Variants in DNAH11 observed in about 807,000 individuals in gnomAD.
The protein encoded by DNAH11 is axonemal beta dynein heavy chain 11.
In DNAH11, 442 loss-of-function variants were observed where a neutral mutation model predicts 526.0. The observed-to-expected ratio is 0.84, with a 90% confidence interval of 0.78 to 0.91. The LOEUF (loss-of-function observed/expected upper bound fraction) is 0.91, where lower values mean the gene tolerates loss of function less well. Ranked by LOEUF, DNAH11 falls within the 40% of genes least tolerant of loss-of-function variation. DNAH11 has a pLI of 0.00. For synonymous variants in DNAH11, 2,461 were observed against 1,935.9 expected (o/e 1.27, Z -7.12); for missense variants, 6,989 against 5,448.7 (o/e 1.28, Z -8.90).
chr7:21,752,185 A>G (rs1213705015), intron 54 of DNAH11, among the ~76,000 whole-genome samples: 1 of 152,260 alleles, frequency 6.6e-6, no homozygotes, highest in Non-Finnish European at 1.5e-5. Context: ...GTTTGTGTAT[A>G]TCTTTCATGC....
At chr7:21,816,842 C>A in intron 64 of DNAH11, 140 bp downstream of exon 64, 2 of 695,972 alleles carry the variant, frequency 2.9e-6, no homozygotes, top group Non-Finnish European at 4.9e-6. Flanking sequence ...TCTGCCTGTT[C>A]ATGTTTCATA....
At chr7:21,629,016 C>T (rs552187152) in intron 25 of DNAH11, among the ~76,000 whole-genome samples, 2 of 152,094 alleles carry the variant, frequency 1.3e-5, no homozygotes, top group East Asian at 1.9e-4. Flanking sequence ...TGAAGGCCTT[C>T]TACTTTTTTG....
intron 49 of DNAH11, among the ~76,000 whole-genome samples, chr7:21,743,859 C>G (rs1270040859): frequency 6.6e-6 from 1 of 152,180 alleles, no homozygotes; most frequent in Admixed American, 6.5e-5. Context: ...CTCCACAACT[C>G]CCTTACTGTT....
rs150722541 is a variant in DNAH11 at position 21,734,446 on chromosome 7, T to C, written c.7441-1194T>C. ...AGCTCGAATATTTTTTAAAGAGTTGTCTAGGACTGTTTAGCACAGAACAGT... is the reference window on the plus strand; with the variant it reads ...AGCTCGAATATTTTTTAAAGAGTTGCCTAGGACTGTTTAGCACAGAACAGT... On this transcript the variant is annotated intron_variant, in intron 45 of 81. Coordinates refer to ENST00000409508, the MANE Select transcript of DNAH11 (RefSeq NM_001277115.2). 9.9e-4 allele frequency among the ~76,000 whole-genome samples: 151 copies of C among 152,360 alleles called. 1 individual carries two copies. The highest frequency in any genetic ancestry group is 1.8e-3 in the Non-Finnish European group (121 of 68,028).
intron 2 of DNAH11, among the ~76,000 whole-genome samples, chr7:21,552,077 T>C (rs1178075264): frequency 6.6e-6 from 1 of 152,118 alleles, no homozygotes; most frequent in Non-Finnish European, 1.5e-5. Context: ...ATCAAGAAGC[T>C]TGGAGGCAAA....
Position 21,880,742 on chromosome 7 carries a change from G to A in DNAH11, c.12236G>A (p.Ser4079Asn), listed in dbSNP as rs752563725. ...TGCTCCAAGGAGCAGGAGTTTAAAA[G>A]CATCCTTTTTTCTCTCTGCTACTTC... ...EICSKEQEFK[S>N]ILFSLCYFHA... Residue 4079 changes from serine to asparagine, a missense_variant, in exon 75 of 82, where the codon AGC becomes AAC. By Grantham distance (46) the Ser-to-Asn change is conservative. Coordinates refer to ENST00000409508, the MANE Select transcript of DNAH11 (RefSeq NM_001277115.2). 1 of 1,613,972 alleles carries A rather than the reference G, an allele frequency of 6.2e-7. No homozygotes were observed. The highest frequency in any genetic ancestry group is 8.5e-7 in the Non-Finnish European group (1 of 1,179,898).
In DNAH11 at chr7:21,765,595, C is replaced by A; in HGVS notation, c.9102+6C>A. ...AGGAAACCAAGGGAATTGAGGTATG[C>A]CGTGTCAGCCTGCGTCACACACACA... On this transcript the variant is annotated splice_donor_region_variant and intron_variant, in intron 55 of 81. Transcript: ENST00000409508. The A allele has an allele frequency of 7.5e-7, 1 of 1,338,908 alleles. No homozygotes were observed. Among genetic ancestry groups the A allele is most frequent in the Non-Finnish European group, 1.0e-6 (1 of 968,182 alleles). 82.9% of individuals were successfully genotyped at this position (1,338,908 alleles called of 1,614,324 possible).
chr7:21,611,586 A>G (rs1305277655), intron 20 of DNAH11, among the ~76,000 whole-genome samples: 1 of 152,240 alleles, frequency 6.6e-6, no homozygotes, highest in African/African-American at 2.4e-5. Context: ...CCCAACCAGG[A>G]TAAATACAAA....
chr7:21,580,399 A>G (rs933601385), intron 8 of DNAH11, among the ~76,000 whole-genome samples: 3 of 152,226 alleles, frequency 2.0e-5, no homozygotes, highest in African/African-American at 7.2e-5. Context: ...GATGCTAAAT[A>G]TAACATTGTG....
At chr7:21,680,070 A>G (rs569083772) in intron 30 of DNAH11, among the ~76,000 whole-genome samples, 1 of 152,296 alleles carries the variant, frequency 6.6e-6, no homozygotes, top group South Asian at 2.1e-4. Flanking sequence ...TGGAAATTGC[A>G]CATGTTACAG....
rs759646661 is a variant in DNAH11, at chr7:21,894,960, G to A, written c.13010G>A (p.Ser4337Asn). The A allele has an allele frequency of 4.5e-5, 72 of 1,614,004 alleles. 1 individual carries two copies. In the African/African-American group the frequency reaches 7.3e-4, roughly 16 times the overall value. The change falls in exon 79 of 82, where the codon AGC becomes AAC. Residue 4337 changes from serine to asparagine, a missense_variant. Ser to Asn is a conservative substitution (Grantham distance 46). Transcript: ENST00000409508. ...LSYDTVPDTW[S>N]KLAYPSTYGL... Reference sequence around the variant, plus strand: ...TATGACACGGTACCAGACACTTGGAGCAAACTGGCTTATCCTTCTACTTAT... The same window carrying A: ...TATGACACGGTACCAGACACTTGGAACAAACTGGCTTATCCTTCTACTTAT...
intron 47 of DNAH11, 59 bp downstream of exon 47, chr7:21,738,925 A>G (rs1785744514): frequency 8.3e-6 from 11 of 1,324,862 alleles, no homozygotes; most frequent in Non-Finnish European, 1.1e-5. Context: ...ATGGATAATA[A>G]TTACTATGGA....
At chr7:21,636,234 T>C in intron 26 of DNAH11, 139 bp downstream of exon 26, 1 of 673,328 alleles carries the variant, frequency 1.5e-6, no homozygotes, top group South Asian at 2.2e-5. Flanking sequence ...AAGGGCCAGG[T>C]AATAAATATT....
intron 54 of DNAH11, among the ~76,000 whole-genome samples, chr7:21,759,237 A>G (rs1786780647): frequency 6.6e-6 from 1 of 152,188 alleles, no homozygotes; most frequent in Non-Finnish European, 1.5e-5. Context: ...TCAGAAAAAG[A>G]AAGAAAAATT....
At chr7:21,822,697 G>C (rs1212487994) in intron 65 of DNAH11, among the ~76,000 whole-genome samples, 1 of 152,140 alleles carries the variant, frequency 6.6e-6, no homozygotes, top group Non-Finnish European at 1.5e-5. Flanking sequence ...TCTCTATACT[G>C]TTTTCCATAG....
intron 68 of DNAH11, among the ~76,000 whole-genome samples, chr7:21,858,510 C>G (rs1348414671): frequency 6.6e-6 from 1 of 152,134 alleles, no homozygotes; most frequent in African/African-American, 2.4e-5. Context: ...TTGCATGTTC[C>G]CACAGTGGGC....
chr7:21,648,770 T>C (rs1787488929), intron 28 of DNAH11, among the ~76,000 whole-genome samples: 1 of 152,250 alleles, frequency 6.6e-6, no homozygotes, highest in Non-Finnish European at 1.5e-5. Context: ...TCAAGGACTC[T>C]TTGTGCTACT....
intron 54 of DNAH11, among the ~76,000 whole-genome samples, chr7:21,754,684 G>A (rs1376407159): frequency 1.3e-5 from 2 of 151,812 alleles, no homozygotes; most frequent in Admixed American, 1.3e-4. Flanking sequence ...TTAACATCAA[G>A]TAGAAATAGG....
At chr7:21,754,640 G>T (rs1247716044) in intron 54 of DNAH11, among the ~76,000 whole-genome samples, 1 of 151,460 alleles carries the variant, frequency 6.6e-6, no homozygotes, top group Admixed American at 6.6e-5. Context: ...TAGGAAGTTG[G>T]TTTTTTTTGT....
Sources: allele counts gnomAD v4.1 joint callset (sites outside exome capture counted in the v4.1 genomes callset), GRCh38; gene constraint gnomAD v4.1.1; transcripts MANE v1.5; gene names NCBI Gene and HGNC (gene_info 2026-07-23, HGNC 2026-07-21).